Variants in PCDHGA6 observed in about 807,000 individuals in gnomAD.
The protein encoded by PCDHGA6 is protocadherin gamma-A6.
Under a neutral mutation model 60.6 loss-of-function variants are expected in PCDHGA6, and 41 were observed. The observed-to-expected ratio is 0.68, with a 90% CI of 0.53 to 0.88. The LOEUF is 0.88. Among genes scored for constraint, PCDHGA6 ranks in the 40% least tolerant of loss-of-function variants. The pLI is 0.00. For synonymous variants in PCDHGA6, 594 were observed against 524.4 expected (o/e 1.13, Z -1.81); for missense variants, 1,312 against 1,203.0 (o/e 1.09, Z -1.34).
At chr5:141,469,780 G>A (rs775691161) in intron 1 of PCDHGA6, among the ~76,000 whole-genome samples, 12 of 152,080 alleles carry the variant, frequency 7.9e-5, no homozygotes, top group Non-Finnish European at 1.8e-4. Context: ...ATTTATTACA[G>A]CGTTATTTGT....
rs1275819200 is a variant in PCDHGA6, at chr5:141,491,620, A to G, written c.2425-3187A>G. 5 of 1,613,788 alleles carry G rather than the reference A, an allele frequency of 3.1e-6. No individual in the cohort carries two copies. Among genetic ancestry groups the G allele is most frequent in the Non-Finnish European group, 4.2e-6 (5 of 1,180,014 alleles). On this transcript the variant is annotated intron_variant, in intron 1 of 3. Coordinates refer to ENST00000517434, the MANE Select transcript of PCDHGA6 (RefSeq NM_018919.3). The surrounding 1 kb of genome is among the most constrained non-coding windows in gnomAD (Gnocchi z 6.9). ...TGACTTCACTTTTCTAAGACCCCTC[A>G]GCGTTCAGCAGCCCACAGCTCTGGC...
intron 1 of PCDHGA6, chr5:141,423,684 T>TA (rs1412198122): frequency 1.3e-6 from 2 of 1,524,644 alleles, no homozygotes; most frequent in Non-Finnish European, 1.8e-6. Context: ...CTCTGCCTCC[T>TA]AATTGTTGGT....
intron 3 of PCDHGA6, among the ~76,000 whole-genome samples, chr5:141,508,528 C>T (rs2099869454): frequency 6.6e-6 from 1 of 152,186 alleles, no homozygotes; most frequent in Admixed American, 6.5e-5. Context: ...AACCTCAGGG[C>T]ACCCCCCACG....
In PCDHGA6 at chr5:141,374,195, G is replaced by T. The variant is rs1770254935; in HGVS notation, c.112G>T (p.Glu38Ter). The T allele has an allele frequency of 1.2e-6, 2 of 1,613,752 alleles. No homozygotes were observed. Among genetic ancestry groups the T allele is most frequent in the East Asian group, 2.2e-5 (1 of 44,898 alleles). The change falls in exon 1 of 4, where the codon GAG becomes TAG. Residue 38 changes from glutamate (E) to a stop codon, truncating the protein, a stop_gained. Coordinates refer to ENST00000517434, the MANE Select transcript of PCDHGA6 (RefSeq NM_018919.3). LOFTEE classifies it high-confidence loss of function. ...GCAGATCCGCTACTCTATTCCCGAG[G>T]AGCTGGAGAAAGGCTCCTTCGTAGG... Reference protein sequence around the residue: ...AAQIRYSIPEELEKGSFVGNI... With the variant: ...AAQIRYSIPE
chr5:141,410,640 G>A (rs747132686), intron 1 of PCDHGA6: 1 of 1,599,056 alleles, frequency 6.3e-7, no homozygotes, highest in Non-Finnish European at 8.5e-7. Flanking sequence ...TCTTTTTTGT[G>A]TGTGATTTAT....
intron 1 of PCDHGA6, among the ~76,000 whole-genome samples, chr5:141,445,007 G>T (rs771023003): frequency 1.3e-5 from 2 of 151,994 alleles, no homozygotes; most frequent in African/African-American, 4.8e-5. Flanking sequence ...ATTTAATTAG[G>T]TCTTTAATTT....
intron 3 of PCDHGA6, among the ~76,000 whole-genome samples, chr5:141,509,700 TGGA>T (rs1407159498): frequency 6.6e-6 from 1 of 152,192 alleles, no homozygotes; most frequent in East Asian, 1.9e-4. Flanking sequence ...GACGTTGGAC[TGGA>T]GGTGCTGTCT....
chr5:141,412,559 GTTTA>G (rs2095563108), intron 1 of PCDHGA6: 1 of 152,224 alleles, frequency 6.6e-6, no homozygotes, highest in Admixed American at 6.5e-5. Flanking sequence ...TATCTCATGA[GTTTA>G]TTTAATATAA....
chr5:141,509,157 C>T lies in PCDHGA6; in HGVS notation c.2573-1790C>T, dbSNP rs369133984. Among the ~76,000 whole-genome samples the T allele has an allele frequency of 2.6e-4, 40 of 152,314 alleles. No individual in the cohort carries two copies. In the South Asian group the frequency reaches 7.0e-3, roughly 27 times the overall value. On this transcript the variant is annotated intron_variant, in intron 3 of 3. Transcript: ENST00000517434. The stretch of plus-strand genomic sequence containing the variant: ...GAGGCGCATCCCGGCTCTCCCCTCC[C>T]GTGTGCCCTCCTCCTCTTATGCCGG...
rs772345742 is a variant in PCDHGA6 at position 141,398,560 on chromosome 5, T to C, written c.2424+22053T>C. 17 of 1,613,792 alleles carry C rather than the reference T, an allele frequency of 1.1e-5. No individual in the cohort carries two copies. The Admixed American group carries it at 2.2e-4, about 21-fold the overall frequency. ...TTCCTTTGAGCTGCAAATAAGTGAG[T>C]CTGCACAGCCTGGCACAAGATTTAT... On this transcript the variant is annotated intron_variant, in intron 1 of 3. Transcript: ENST00000517434.
At chr5:141,457,063 G>A (rs1477613746) in intron 1 of PCDHGA6, among the ~76,000 whole-genome samples, 1 of 152,104 alleles carries the variant, frequency 6.6e-6, no homozygotes, top group East Asian at 1.9e-4. Context: ...CTTCCTTTTT[G>A]CCAGTAACTA....
intron 1 of PCDHGA6, chr5:141,403,713 A>G (rs2094445702): frequency 2.5e-6 from 4 of 1,613,946 alleles, no homozygotes; most frequent in Non-Finnish European, 2.5e-6. Flanking sequence ...GTCCTTGAGA[A>G]CGTGCCCCCA....
intron 2 of PCDHGA6, among the ~76,000 whole-genome samples, chr5:141,501,290 TACACACACACACACACACACACAC>T (rs55762287): frequency 7.3e-6 from 1 of 136,162 alleles, no homozygotes; most frequent in African/African-American, 2.7e-5. Flanking sequence ...TATTCCCTTA[TACACACACACACACACACACACAC>T]ACACACACAC....
At chr5:141,394,591 C>A in intron 1 of PCDHGA6, 2 of 1,613,762 alleles carry the variant, frequency 1.2e-6, no homozygotes, top group Non-Finnish European at 1.7e-6. Context: ...AAGGTGGTGG[C>A]GGTGGACAGA....
rs553772792 is a variant in PCDHGA6, at chr5:141,444,542, G to A, written c.2425-50265G>A. ...AGGTGAGACAGTGACTGTGTCTAGT[G>A]AGCAAAAGGCACTTATTTGACACTT... On this transcript the variant is annotated intron_variant, in intron 1 of 3. Coordinates refer to ENST00000517434, the MANE Select transcript of PCDHGA6 (RefSeq NM_018919.3). 3.3e-5 allele frequency among the ~76,000 whole-genome samples: 5 copies of A among 152,156 alleles called. No individual in the cohort carries two copies. The East Asian group carries it at 7.7e-4, about 24-fold the overall frequency.
In PCDHGA6 at chr5:141,493,103, A is replaced by G. The variant is rs1396614836; in HGVS notation, c.2425-1704A>G. Among the ~76,000 whole-genome samples the G allele has an allele frequency of 6.6e-6, 1 of 152,086 alleles. No homozygotes were observed. The highest frequency in any genetic ancestry group is 1.5e-5 in the Non-Finnish European group (1 of 68,022). On this transcript the variant is annotated intron_variant, in intron 1 of 3. Transcript: ENST00000517434. The surrounding 1 kb of genome is among the most constrained non-coding windows in gnomAD (Gnocchi z 4.3). ...AGGAGCTTTTATTCAAAATATATCA[A>G]TGCCTAACTCTGCTCCTAGGACTGT...
chr5:141,410,664 A>G, intron 1 of PCDHGA6: 1 of 1,570,058 alleles, frequency 6.4e-7, no homozygotes, highest in Non-Finnish European at 8.6e-7. Context: ...ATAGTCTACT[A>G]GTTTCTCATA....
chr5:141,387,606 T>C, intron 1 of PCDHGA6: 1 of 549,218 alleles, frequency 1.8e-6, no homozygotes, highest in Non-Finnish European at 3.2e-6. Context: ...GCAGAGGCTG[T>C]AGTTTCCTAG....
At chr5:141,414,356 T>C in intron 1 of PCDHGA6, 1 of 1,613,950 alleles carries the variant, frequency 6.2e-7, no homozygotes, top group Non-Finnish European at 8.5e-7. Flanking sequence ...TTGGCGTATC[T>C]ACCATTTAAA....
Sources: gnomAD v4.1 joint callset for allele counts (sites outside exome capture counted in the v4.1 genomes callset) on GRCh38, gnomAD v4.1.1 for gene constraint, Gnocchi (gnomAD v3.1) non-coding constraint, MANE v1.5 for transcripts, NCBI Gene and HGNC (gene_info 2026-07-23, HGNC 2026-07-21) for gene names.